OR7C1: variants seen among roughly 807,000 people sequenced by gnomAD.
OR7C1 encodes olfactory receptor 7C1.
For missense variants in OR7C1, 324 were observed against 383.3 expected (o/e 0.85, Z 1.29); for synonymous variants, 152 against 160.7 (o/e 0.95, Z 0.41).
chr19:14,829,992 A>G (rs1376503894), intron 1 of OR7C1, among the ~76,000 whole-genome samples: 1 of 152,158 alleles, frequency 6.6e-6, no homozygotes, highest in African/African-American at 2.4e-5. Context: ...CCTCCCAAGT[A>G]GTTGGGACCA....
In OR7C1 at chr19:14,808,099, T is replaced by TA. The variant is rs35454647; in HGVS notation, c.-435+1706dup. On this transcript the variant is annotated intron_variant, in intron 2 of 4. Transcript: ENST00000641666. ...AGTCAGAATGGTTATTTTAAAGAAA[T>TA]AAAAAAAAAAAAAACAACAACAGAT... Among the ~76,000 whole-genome samples the TA allele has an allele frequency of 3.7e-3, 497 of 135,318 alleles. 3 individuals are homozygous for TA. The highest frequency in any genetic ancestry group is 7.6e-3 in the South Asian group (32 of 4,232). 88.8% of individuals were successfully genotyped at this position (135,318 alleles called of 152,430 possible). A position where few individuals can be genotyped will look rare whatever the true frequency, so the allele number is the denominator to read the frequency against.
At chr19:14,825,624 G>A (rs1398165721) in intron 1 of OR7C1, 1 of 152,160 alleles carries the variant, frequency 6.6e-6, no homozygotes, top group Non-Finnish European at 1.5e-5. Flanking sequence ...GCTTTAGGAG[G>A]AGAGGACATG....
chr19:14,801,448 T>C (rs2044641321), intron 2 of OR7C1, among the ~76,000 whole-genome samples: 1 of 152,226 alleles, frequency 6.6e-6, no homozygotes, highest in South Asian at 2.1e-4. Context: ...CAGTCAGACA[T>C]TATGCTTTAA....
At chr19:14,832,238 A>G (rs1323222310) in intron 1 of OR7C1, among the ~76,000 whole-genome samples, 1 of 151,994 alleles carries the variant, frequency 6.6e-6, no homozygotes, top group Non-Finnish European at 1.5e-5. Flanking sequence ...ACACTAAGAA[A>G]TATTCTTTAT....
chr19:14,822,699 T>C (rs951108089), intron 1 of OR7C1, among the ~76,000 whole-genome samples: 1 of 152,028 alleles, frequency 6.6e-6, no homozygotes, highest in Non-Finnish European at 1.5e-5. Flanking sequence ...TTTTTTATAA[T>C]AGCCGTCCTA....
In OR7C1 at chr19:14,835,060, G is replaced by A. The variant is rs1225355910; in HGVS notation, c.-623+14C>T. ...ATTGTTTTCCTGCAGTTCCCACTGGGCTCTCCAACTCACCAGGAGGGGATC... is the reference window on the plus strand; with the variant it reads ...ATTGTTTTCCTGCAGTTCCCACTGGACTCTCCAACTCACCAGGAGGGGATC... On this transcript the variant is annotated intron_variant, in intron 1 of 4. Transcript: ENST00000641666. The A allele has an allele frequency of 6.6e-6, 1 of 152,118 alleles. No homozygotes were observed. The highest frequency in any genetic ancestry group is 2.4e-5 in the African/African-American group (1 of 41,402). The allele number at this position is 152,118 out of a possible 1,614,324, so 9.4% of individuals were successfully genotyped here.
chr19:14,799,962 TG>T lies in OR7C1; in HGVS notation c.174del (p.Met59CysfsTer25), dbSNP rs1238633049. 6.2e-7 allele frequency: 1 copy of T among 1,613,752 alleles called. No individual in the cohort carries two copies. Among genetic ancestry groups the T allele is most frequent in the Admixed American group, 1.7e-5 (1 of 59,954 alleles). The stretch of plus-strand genomic sequence containing the variant: ...GACAGGTTGGAGAGGAAGAAGTACA[TG>T]GGGGTGTGGAGGTGGGAGTCTGAGC... On this transcript the variant is annotated frameshift_variant, in exon 5 of 5. Coordinates refer to ENST00000641666, the Ensembl canonical transcript of OR7C1. LOFTEE classifies it low-confidence loss of function (END_TRUNC).
In OR7C1 at chr19:14,800,032, G is replaced by C. The variant is rs779902407; in HGVS notation, c.105C>G (p.Tyr35Ter). Residue 35 changes from tyrosine to a stop codon, truncating the protein, a stop_gained, in exon 5 of 5, where the codon TAC becomes TAG. Coordinates refer to ENST00000641666, the Ensembl canonical transcript of OR7C1. LOFTEE classifies it low-confidence loss of function (END_TRUNC). ...GCAGGTTCCCGGTGAAAGTGACTAG[G>C]TACATGGAGAGGAACAGCCCAAAGA... 8.7e-6 allele frequency: 14 copies of C among 1,613,980 alleles called. No individual in the cohort carries two copies. The Admixed American group carries it at 2.3e-4, about 27-fold the overall frequency.
At chr19:14,814,099 C>T (rs2044705258) in intron 1 of OR7C1, among the ~76,000 whole-genome samples, 1 of 151,918 alleles carries the variant, frequency 6.6e-6, no homozygotes, top group Non-Finnish European at 1.5e-5. Flanking sequence ...GGAAAGACTG[C>T]ATGACATTGG....
chr19:14,827,814 A>G (rs767759790), intron 1 of OR7C1: 3 of 1,614,232 alleles, frequency 1.9e-6, no homozygotes, highest in Non-Finnish European at 2.5e-6. Context: ...TAGAACCAGC[A>G]GTCCACAGAG....
intron 1 of OR7C1, among the ~76,000 whole-genome samples, chr19:14,832,081 T>C (rs1315503602): frequency 6.6e-6 from 1 of 152,126 alleles, no homozygotes; most frequent in Non-Finnish European, 1.5e-5. Context: ...GCTAATTTTG[T>C]TCATGCTTTG....
At chr19:14,832,782 T>C (rs566412095) in intron 1 of OR7C1, among the ~76,000 whole-genome samples, 2 of 152,212 alleles carry the variant, frequency 1.3e-5, no homozygotes, top group African/African-American at 2.4e-5. Context: ...AAAAGAATTA[T>C]AAAATTAGAA....
chr19:14,811,273 G>T (rs760887557), intron 1 of OR7C1, among the ~76,000 whole-genome samples: 1 of 151,764 alleles, frequency 6.6e-6, no homozygotes, highest in Non-Finnish European at 1.5e-5. Context: ...GAAGGGCCAG[G>T]CTTCCTCCAG....
chr19:14,806,000 A>C (rs895149006), intron 2 of OR7C1, among the ~76,000 whole-genome samples: 1 of 151,790 alleles, frequency 6.6e-6, no homozygotes, highest in African/African-American at 2.4e-5. Flanking sequence ...ACACCAAATT[A>C]ATGTTAATAA....
At chr19:14,807,771 C>T (rs911721584) in intron 2 of OR7C1, among the ~76,000 whole-genome samples, 1 of 151,716 alleles carries the variant, frequency 6.6e-6, no homozygotes, top group African/African-American at 2.4e-5. Context: ...TGGTGGGTGC[C>T]TGTAGTCCCA....
chr19:14,829,246 C>T (rs753960383), intron 1 of OR7C1, among the ~76,000 whole-genome samples: 14 of 152,230 alleles, frequency 9.2e-5, no homozygotes, highest in South Asian at 2.1e-4. Flanking sequence ...GCTCTGTTGC[C>T]GGGCTGGAGC....
rs1278067412 is a variant in OR7C1 at position 14,818,058 on chromosome 19, TTTATTTTATTTA to T, written c.-622-8077_-622-8066del. On this transcript the variant is annotated intron_variant, in intron 1 of 4. Transcript: ENST00000641666. ...AGCAGTTAATAAGTCATACATTTTATTTATTTTATTTATTTATTTATTTATTTATTTATTTAT... is the reference window on the plus strand; with the variant it reads ...AGCAGTTAATAAGTCATACATTTTATTTTATTTATTTATTTATTTATTTAT... 3.7e-3 allele frequency among the ~76,000 whole-genome samples: 266 copies of T among 72,394 alleles called. 1 individual carries two copies. Among genetic ancestry groups the T allele is most frequent in the East Asian group, 0.024 (52 of 2,208 alleles). 47.5% of individuals were successfully genotyped at this position (72,394 alleles called of 152,430 possible).
intron 2 of OR7C1, among the ~76,000 whole-genome samples, chr19:14,802,132 T>C (rs17230197): frequency 0.2 from 30,664 of 152,232 alleles, 3,282 homozygotes; most frequent in Admixed American, 0.24. Flanking sequence ...ACCATCTTTC[T>C]TGGCTCAGTG....
chr19:14,816,303 G>A (rs1240399051), intron 1 of OR7C1, among the ~76,000 whole-genome samples: 2 of 152,178 alleles, frequency 1.3e-5, no homozygotes, highest in Non-Finnish European at 2.9e-5. Flanking sequence ...TTGATCCTGG[G>A]TGTGTCTGTG....
Sources: gnomAD v4.1 joint callset for allele counts (sites outside exome capture counted in the v4.1 genomes callset) on GRCh38, gnomAD v4.1.1 for gene constraint, MANE v1.5 for transcripts, NCBI Gene and HGNC (gene_info 2026-07-23, HGNC 2026-07-21) for gene names.